CIMAP1B: variants seen among roughly 807,000 people sequenced by gnomAD.
The protein encoded by CIMAP1B is orf2 5' to PD-ECGF/TP.
At chr22:50,531,812 C>G in the CIMAP1B span, 2 of 1,346,420 alleles carry the variant, frequency 1.5e-6, no homozygotes, top group Non-Finnish European at 1.9e-6. Flanking sequence ...GGGCCCAGCC[C>G]CAAGCCCCAT....
At chr22:50,532,037 C>G in the CIMAP1B span, 1 of 1,344,462 alleles carries the variant, frequency 7.4e-7, no homozygotes, top group Non-Finnish European at 9.6e-7. Flanking sequence ...GCCGCGGGGC[C>G]GGTGTGGCCG....
At chr22:50,531,791 A>G in the CIMAP1B span, 1 of 1,353,148 alleles carries the variant, frequency 7.4e-7, no homozygotes, top group Non-Finnish European at 9.5e-7. Context: ...CATCCGAGTT[A>G]GCGTCTGGCC....
chr22:50,531,659 C>G, the CIMAP1B span: 1 of 1,372,200 alleles, frequency 7.3e-7, no homozygotes, highest in Non-Finnish European at 9.4e-7. Flanking sequence ...CACGGTCATG[C>G]GAGCGGGCAC....
chr22:50,532,037 C>T, the CIMAP1B span: 1 of 1,344,580 alleles, frequency 7.4e-7, no homozygotes, highest in Non-Finnish European at 9.6e-7. Flanking sequence ...GCCGCGGGGC[C>T]GGTGTGGCCG....
chr22:50,530,949 C>G, the CIMAP1B span: 3 of 1,611,072 alleles, frequency 1.9e-6, no homozygotes, highest in African/African-American at 4.0e-5. Flanking sequence ...TGCTGAGGTC[C>G]TCGAAGAAAC....
At chr22:50,531,129 G>T in the CIMAP1B span, 1 of 1,588,506 alleles carries the variant, frequency 6.3e-7, no homozygotes, top group Non-Finnish European at 8.6e-7. Context: ...AGCTCCCGGA[G>T]GGCGGTCCCC....
chr22:50,531,198 C>T, the CIMAP1B span: 1 of 1,612,604 alleles, frequency 6.2e-7, no homozygotes, highest in South Asian at 1.1e-5. Context: ...CACCTGGGCT[C>T]TGCTGTTCCG....
chr22:50,532,046 C>A, the CIMAP1B span: 3 of 1,345,056 alleles, frequency 2.2e-6, no homozygotes, highest in Non-Finnish European at 2.9e-6. Context: ...CCGGTGTGGC[C>A]GCCAAAGGCC....
the CIMAP1B span, chr22:50,531,793 C>A: frequency 7.4e-7 from 1 of 1,352,890 alleles, no homozygotes; most frequent in Non-Finnish European, 9.5e-7. Flanking sequence ...TCCGAGTTAG[C>A]GTCTGGCCGG....
chr22:50,531,991 T>G, the CIMAP1B span: 1 of 1,345,864 alleles, frequency 7.4e-7, no homozygotes. Context: ...GCAGCTTGTA[T>G]TTGGGCCCGG....
At chr22:50,531,847 A>G in the CIMAP1B span, 3 of 1,326,890 alleles carry the variant, frequency 2.3e-6, no homozygotes, top group African/African-American at 4.7e-5. Context: ...CTCCCCCGGC[A>G]CAGACCCCCT....
chr22:50,530,589 G>A, the CIMAP1B span: 1 of 1,569,330 alleles, frequency 6.4e-7, no homozygotes, highest in Non-Finnish European at 8.6e-7. Flanking sequence ...CGCTGACCTC[G>A]CGGGGCCGGC....
chr22:50,531,478 A>AG, the CIMAP1B span: 1 of 1,166,084 alleles, frequency 8.6e-7, no homozygotes, highest in Non-Finnish European at 1.2e-6. Context: ...AGGGTATCCG[A>AG]GGGGGACTCG....
chr22:50,530,613 C>T, the CIMAP1B span: 1 of 1,565,518 alleles, frequency 6.4e-7, no homozygotes. Flanking sequence ...CTCTCCGCGC[C>T]GGGACCCCTG....
the CIMAP1B span, chr22:50,532,106 C>T: frequency 7.4e-7 from 1 of 1,350,598 alleles, no homozygotes; most frequent in East Asian, 3.1e-5. Context: ...TTACGGCTCG[C>T]AGCACCTGCG....
the CIMAP1B span, chr22:50,531,527 G>A: frequency 7.1e-7 from 1 of 1,401,382 alleles, no homozygotes; most frequent in South Asian, 1.6e-5. Flanking sequence ...CCTCCCTGGA[G>A]GCAGTTCGGC....
At chr22:50,530,690 T>G in the CIMAP1B span, 1 of 1,610,308 alleles carries the variant, frequency 6.2e-7, no homozygotes, top group Non-Finnish European at 8.5e-7. Flanking sequence ...ACTCTGACCC[T>G]TGACCCTGGG....
the CIMAP1B span, chr22:50,531,662 G>A: frequency 7.3e-7 from 1 of 1,372,822 alleles, no homozygotes; most frequent in African/African-American, 1.5e-5. Flanking sequence ...GGTCATGCGA[G>A]CGGGCACCAG....
the CIMAP1B span, chr22:50,530,761 G>C: frequency 4.3e-6 from 7 of 1,610,258 alleles, no homozygotes; most frequent in Middle Eastern, 1.6e-4. Context: ...GTTGTCTTGG[G>C]GGAGCGAAGT....
Sources: gnomAD v4.1 joint callset for allele counts on GRCh38, gnomAD v4.1.1 for gene constraint, MANE v1.5 for transcripts, NCBI Gene and HGNC (gene_info 2026-07-23, HGNC 2026-07-21) for gene names.